GRB14: variants seen among roughly 807,000 people sequenced by gnomAD.
GRB14 encodes growth factor receptor-bound protein 14.
A neutral mutation model predicts 69.1 loss-of-function variants in GRB14; 38 were observed. The ratio of observed to expected loss-of-function variants is 0.55; its 90% CI spans 0.42 to 0.72. The LOEUF is 0.72. GRB14 is among the 30% of genes least tolerant of loss of function. The probability of loss-of-function intolerance (pLI) is 0.00; values close to 1 mark genes in which losing one functional copy is unlikely to be tolerated. For synonymous variants in GRB14, 247 were observed against 241.3 expected (o/e 1.02, Z -0.22); for missense variants, 666 against 666.1 (o/e 1.00, Z 0.00).
At position 164,497,413 on chromosome 2, in the gene GRB14, T is replaced by C. The variant is rs750863754; in HGVS notation, c.1182A>G (p.Glu394=). ...CTTCTTCAACCGCAACTGAAAGGGC[T>C]TCAGTGGGATTTTCTATAACTCTGC... ...QKSRVIENPT[E]ALSVAVEEGL... is the part of the protein sequence containing the mutation. The change falls in exon 10 of 14, where the codon GAA becomes GAG. Residue 394 remains glutamate (E), a synonymous_variant. Transcript: ENST00000263915. 75 of 1,613,716 alleles carry C rather than the reference T, an allele frequency of 4.6e-5. No homozygotes were observed. The highest frequency in any genetic ancestry group is 5.9e-5 in the Non-Finnish European group (70 of 1,179,780).
Position 164,497,498 on chromosome 2 carries a change from A to G in GRB14, c.1105-8T>C. The stretch of plus-strand genomic sequence containing the variant: ...ATTCTCTGATATACTTCTCTGGAAA[A>G]AAGAAACACATTTGAGTTATGAAAA... On this transcript the variant is annotated splice_polypyrimidine_tract_variant and splice_region_variant and intron_variant, in intron 9 of 13. Coordinates refer to ENST00000263915, the MANE Select transcript of GRB14 (RefSeq NM_004490.3). 6.7e-7 allele frequency: 1 copy of G among 1,484,992 alleles called. No individual in the cohort carries two copies. The highest frequency in any genetic ancestry group is 1.2e-5 in the South Asian group (1 of 83,898). The allele number at this position is 1,484,992 out of a possible 1,614,324, so 92.0% of individuals were successfully genotyped here.
chr2:164,619,061 T>A (rs1690377772), intron 2 of GRB14, among the ~76,000 whole-genome samples: 2 of 152,148 alleles, frequency 1.3e-5, no homozygotes. Flanking sequence ...AAAATCTAAT[T>A]TGCTTAAGTC....
chr2:164,530,403 T>C (rs1176943459), intron 3 of GRB14, among the ~76,000 whole-genome samples: 2 of 151,906 alleles, frequency 1.3e-5, no homozygotes, highest in South Asian at 2.1e-4. Context: ...CCTCCAACAC[T>C]GGGGATCACA....
At chr2:164,571,509 T>G (rs780835799) in intron 2 of GRB14, among the ~76,000 whole-genome samples, 1 of 152,242 alleles carries the variant, frequency 6.6e-6, no homozygotes, top group Non-Finnish European at 1.5e-5. Flanking sequence ...TTTAGAATTT[T>G]ATTTGATAAT....
chr2:164,513,693 A>G (rs1340171499), intron 6 of GRB14, among the ~76,000 whole-genome samples: 1 of 152,232 alleles, frequency 6.6e-6, no homozygotes, highest in Admixed American at 6.5e-5. Flanking sequence ...AGCAGACTAT[A>G]TTTCAACACA....
intron 2 of GRB14, among the ~76,000 whole-genome samples, chr2:164,556,631 T>G (rs532426587): frequency 4.5e-4 from 69 of 152,186 alleles, no homozygotes; most frequent in African/African-American, 1.5e-3. Context: ...TAGAACACGG[T>G]TTCCCTACCC....
chr2:164,568,367 C>T (rs1689036790), intron 2 of GRB14: 2 of 1,288,526 alleles, frequency 1.6e-6, no homozygotes, highest in East Asian at 1.1e-4. Flanking sequence ...TCTTCTTGCA[C>T]TCAAACTCAT....
chr2:164,515,306 CA>C, intron 6 of GRB14, among the ~76,000 whole-genome samples: 2 of 152,290 alleles, frequency 1.3e-5, no homozygotes, highest in Middle Eastern at 6.8e-3. Flanking sequence ...TCACAGAGTC[CA>C]CTTCACTCCC....
intron 2 of GRB14, among the ~76,000 whole-genome samples, chr2:164,586,353 G>C (rs1275871396): frequency 1.3e-5 from 2 of 152,210 alleles, no homozygotes; most frequent in African/African-American, 2.4e-5. Context: ...TTTGTAGGCA[G>C]TGGGGATCCA....
intron 2 of GRB14, among the ~76,000 whole-genome samples, chr2:164,597,836 C>T (rs1181400351): frequency 6.6e-6 from 1 of 151,938 alleles, no homozygotes; most frequent in Non-Finnish European, 1.5e-5. Context: ...AATACTTCAT[C>T]CTGTTCTCTA....
intron 8 of GRB14, among the ~76,000 whole-genome samples, chr2:164,507,618 T>C (rs1346571202): frequency 6.6e-6 from 1 of 152,218 alleles, no homozygotes; most frequent in Non-Finnish European, 1.5e-5. Context: ...ATAAATTATG[T>C]ATTTTGTTGG....
At chr2:164,573,969 T>C (rs929729140) in intron 2 of GRB14, 56 of 1,605,960 alleles carry the variant, frequency 3.5e-5, no homozygotes, top group Non-Finnish European at 4.8e-5. Flanking sequence ...ACCAAAAGCC[T>C]TTCCTTTAGA....
At position 164,508,849 on chromosome 2, in the gene GRB14, G is replaced by A; in HGVS notation, c.820C>T (p.Pro274Ser). Reference protein sequence around the residue: ...YFSTKGTSKEPRHLQFFSEFG... With the variant: ...YFSTKGTSKESRHLQFFSEFG... ...TCGCTGAAAAACTGCAAATGCCGCGGTTCCTTAAAAAAAAAAGTATTGACA... is the reference window on the plus strand; with the variant it reads ...TCGCTGAAAAACTGCAAATGCCGCGATTCCTTAAAAAAAAAAGTATTGACA... Residue 274 changes from proline (P) to serine (S), a missense_variant, in exon 7 of 14, where the codon CCG (proline) becomes TCG (serine). Physicochemically the swap from Pro to Ser is moderately conservative, Grantham distance 74. Coordinates refer to ENST00000263915, the MANE Select transcript of GRB14 (RefSeq NM_004490.3). The A allele has an allele frequency of 6.4e-7, 1 of 1,563,328 alleles. No individual in the cohort carries two copies. Among genetic ancestry groups the A allele is most frequent in the South Asian group, 1.2e-5 (1 of 81,652 alleles).
intron 2 of GRB14, among the ~76,000 whole-genome samples, chr2:164,601,958 T>C (rs1459719335): frequency 2.0e-5 from 3 of 152,030 alleles, no homozygotes; most frequent in Non-Finnish European, 4.4e-5. Flanking sequence ...GGAAACTTTA[T>C]ATAAATCTAA....
chr2:164,614,161 C>CA (rs145270163), intron 2 of GRB14, among the ~76,000 whole-genome samples: 3,149 of 152,256 alleles, frequency 0.021, 53 homozygotes, highest in Non-Finnish European at 0.034. Context: ...CAAATTCTCC[C>CA]AAAAAATTAT....
At chr2:164,564,011 T>A (rs1688900395) in intron 2 of GRB14, among the ~76,000 whole-genome samples, 1 of 152,158 alleles carries the variant, frequency 6.6e-6, no homozygotes, top group Non-Finnish European at 1.5e-5. Context: ...CTGTAGTGGT[T>A]GAATTGACAA....
At position 164,522,022 on chromosome 2, in the gene GRB14, T is replaced by C; in HGVS notation, c.774A>G (p.Leu258=). 2.5e-6 allele frequency: 4 copies of C among 1,603,484 alleles called. No homozygotes were observed. The highest frequency in any genetic ancestry group is 2.6e-6 in the Non-Finnish European group (3 of 1,172,540). ...TAGAAAAATATAAACCAGATCTTCT[T>C]AGAAAAAAGTAAATTTTTTTCCAAG... ...KKSWKKIYFF[L]RRSGLYFSTK... Residue 258 remains leucine (L), a synonymous_variant, in exon 6 of 14, where the codon CTA becomes CTG. Coordinates refer to ENST00000263915, the MANE Select transcript of GRB14 (RefSeq NM_004490.3).
At chr2:164,561,469 A>G (rs1464177446) in intron 2 of GRB14, among the ~76,000 whole-genome samples, 1 of 152,200 alleles carries the variant, frequency 6.6e-6, no homozygotes, top group Non-Finnish European at 1.5e-5. Context: ...GGCAAAACTG[A>G]GTGCACAGCA....
In GRB14 at chr2:164,547,712, G is replaced by A. The variant is rs1423720961; in HGVS notation, c.429C>T (p.Tyr143=). The A allele has an allele frequency of 1.9e-6, 3 of 1,613,706 alleles. No homozygotes were observed. Among genetic ancestry groups the A allele is most frequent in the African/African-American group, 1.3e-5 (1 of 74,910 alleles). ...VCQLLILKNH[Y]IDDHSWTLFE... ...AAAGGGTCCAGCTGTGGTCATCAAT[G>A]TAATGATTCTTCAGGATCAACAGCT... The change falls in exon 3 of 14, where the codon TAC becomes TAT. Residue 143 remains tyrosine, a synonymous_variant. Coordinates refer to ENST00000263915, the MANE Select transcript of GRB14 (RefSeq NM_004490.3).
Sources: gnomAD v4.1 joint callset for allele counts (sites outside exome capture counted in the v4.1 genomes callset) on GRCh38, gnomAD v4.1.1 for gene constraint, MANE v1.5 for transcripts, NCBI Gene and HGNC (gene_info 2026-07-23, HGNC 2026-07-21) for gene names.